The following PTGR1 variants were observed in gnomAD, a reference collection of about 807,000 sequenced individuals.
PTGR1 encodes prostaglandin reductase 1.
PTGR1 carries 23 observed loss-of-function variants against 37.7 expected under a neutral mutation model. The observed-to-expected ratio is 0.61, with a 90% CI of 0.44 to 0.86. The LOEUF is 0.86. Among genes scored for constraint, PTGR1 ranks in the 40% least tolerant of loss-of-function variants. PTGR1 has a pLI of 0.00. For synonymous variants in PTGR1, 134 were observed against 140.0 expected (o/e 0.96, Z 0.30); for missense variants, 351 against 394.3 (o/e 0.89, Z 0.93).
At chr9:111,580,524 G>A (rs982158016) in intron 6 of PTGR1, among the ~76,000 whole-genome samples, 1 of 152,216 alleles carries the variant, frequency 6.6e-6, no homozygotes, top group East Asian at 1.9e-4. Flanking sequence ...GGGGGGCTGA[G>A]GTGGGTGGAT....
At chr9:111,588,324 G>C (rs1448114704) in intron 4 of PTGR1, among the ~76,000 whole-genome samples, 2 of 149,996 alleles carry the variant, frequency 1.3e-5, no homozygotes, top group Non-Finnish European at 3.0e-5. Flanking sequence ...AGCCTCCCGA[G>C]TAGCTGGGAC....
At chr9:111,559,573 C>T (rs576617566), downstream of PTGR1, among the ~76,000 whole-genome samples, 25 of 151,858 alleles carry the variant, frequency 1.6e-4, no homozygotes, top group Non-Finnish European at 2.9e-4. Context: ...CTTCTTCCTG[C>T]TCACCAGTGT....
chr9:111,585,724 A>G (rs1450342292), intron 5 of PTGR1, among the ~76,000 whole-genome samples: 1 of 152,138 alleles, frequency 6.6e-6, no homozygotes, highest in Non-Finnish European at 1.5e-5. Flanking sequence ...CACTTAACAT[A>G]AAGTCCTCCA....
intron 4 of PTGR1, among the ~76,000 whole-genome samples, chr9:111,589,832 G>A (rs779174957): frequency 1.6e-4 from 24 of 151,830 alleles, no homozygotes; most frequent in Non-Finnish European, 3.2e-4. Flanking sequence ...ATGAGGTTTC[G>A]CCATGTTGTC....
At chr9:111,565,620 C>G (rs1280247162) in intron 9 of PTGR1, among the ~76,000 whole-genome samples, 1 of 152,056 alleles carries the variant, frequency 6.6e-6, no homozygotes, top group African/African-American at 2.4e-5. Flanking sequence ...AACTCTTGGA[C>G]TCAGGTGATC....
chr9:111,592,828 G>A (rs1829658256), intron 4 of PTGR1, 98 bp downstream of exon 4: 2 of 1,498,076 alleles, frequency 1.3e-6, no homozygotes, highest in African/African-American at 1.4e-5. Flanking sequence ...AACAACATAG[G>A]CTGAAGAAAT....
intron 9 of PTGR1, among the ~76,000 whole-genome samples, chr9:111,565,650 A>C (rs1344302688): frequency 6.6e-6 from 1 of 151,998 alleles, no homozygotes; most frequent in East Asian, 1.9e-4. Flanking sequence ...CAGCCTCCCG[A>C]GTAGCTGGGA....
chr9:111,594,549 CTTT>C (rs71373753), intron 2 of PTGR1, among the ~76,000 whole-genome samples: 4 of 127,194 alleles, frequency 3.1e-5, no homozygotes, highest in East Asian at 2.3e-4. Context: ...TTTTGGCATT[CTTT>C]TTTTTTTTTT....
chr9:111,585,861 T>C, intron 5 of PTGR1, 137 bp downstream of exon 5: 2 of 952,164 alleles, frequency 2.1e-6, no homozygotes, highest in Non-Finnish European at 3.1e-6. Flanking sequence ...GCCATCTTGG[T>C]CCTGCCCTCT....
chr9:111,563,230 C>T lies in PTGR1; in HGVS notation c.881G>A (p.Gly294Asp). 2 of 1,611,078 alleles carry T rather than the reference C, an allele frequency of 1.2e-6. No individual in the cohort carries two copies. Among genetic ancestry groups the T allele is most frequent in the Non-Finnish European group, 1.7e-6 (2 of 1,178,798 alleles). Residue 294 changes from glycine to aspartate, a missense_variant and splice_region_variant, in exon 10 of 10, where the codon GGT becomes GAT. Physicochemically the swap from Gly to Asp is moderately conservative, Grantham distance 94. Transcript: ENST00000407693. ...LKDLLKWVLE[G>D]KIQYKEYIIE... ...GATATATTCCTTGTACTGGATTTTACCCTGTATCAAAGCAACAACAAATTT... is the reference window on the plus strand; with the variant it reads ...GATATATTCCTTGTACTGGATTTTATCCTGTATCAAAGCAACAACAAATTT...
chr9:111,598,746 C>G (rs1829855666), intron 1 of PTGR1, among the ~76,000 whole-genome samples: 1 of 152,170 alleles, frequency 6.6e-6, no homozygotes, highest in African/African-American at 2.4e-5. Flanking sequence ...TCGCCCGCCT[C>G]GACCTTCCAT....
intron 9 of PTGR1, among the ~76,000 whole-genome samples, chr9:111,551,418 T>G (rs1827946329): frequency 7.0e-6 from 1 of 142,874 alleles, no homozygotes; most frequent in Non-Finnish European, 1.5e-5. Context: ...TTTTTTTTTT[T>G]TTTTTTTGAG....
At position 111,588,683 on chromosome 9, in the gene PTGR1, G is replaced by A. The variant is rs563567977; in HGVS notation, c.210-2518C>T. Among the ~76,000 whole-genome samples, 463 of 151,936 alleles carry A rather than the reference G, an allele frequency of 3.0e-3. 2 individuals are homozygous for A. Among genetic ancestry groups the A allele is most frequent in the Non-Finnish European group, 5.4e-3 (365 of 67,994 alleles). On this transcript the variant is annotated intron_variant, in intron 4 of 9. Transcript: ENST00000407693. ...TAGGATTACAGGCGCCCACCACCAC[G>A]CCTGGCTAATTTTTGTATTTTTAGT...
At chr9:111,565,263 A>T (rs796218751) in intron 9 of PTGR1, among the ~76,000 whole-genome samples, 16 of 152,342 alleles carry the variant, frequency 1.1e-4, no homozygotes, top group African/African-American at 3.6e-4. Context: ...GAAGCCATCT[A>T]CAAGTTGAAA....
In PTGR1 at chr9:111,594,129, T is replaced by C. The variant is rs1829705480; in HGVS notation, c.152+93A>G. ...GGGAGAAACAGAAGGAAAGTGACAA[T>C]GTTTTAAGTCAGTTGGATATTTTAG... On this transcript the variant is annotated intron_variant, in intron 3 of 9. Coordinates refer to ENST00000407693, the MANE Select transcript of PTGR1 (RefSeq NM_001146108.2). 7.1e-6 allele frequency: 9 copies of C among 1,261,604 alleles called. No individual in the cohort carries two copies. The Admixed American group carries it at 8.7e-5, about 12-fold the overall frequency. The allele number at this position is 1,261,604 out of a possible 1,614,324, so 78.2% of individuals were successfully genotyped here.
At position 111,592,986 on chromosome 9, in the gene PTGR1, C is replaced by CAAAAAAAAA. The variant is rs58142522; in HGVS notation, c.153-13_153-5dup. 4.1e-5 allele frequency: 39 copies of CAAAAAAAAA among 961,346 alleles called. No homozygotes were observed. Among genetic ancestry groups the CAAAAAAAAA allele is most frequent in the African/African-American group, 1.0e-4 (3 of 29,992 alleles). 59.6% of individuals were successfully genotyped at this position (961,346 alleles called of 1,614,324 possible). ...CTTCAATCTTTTGGCTGCCACTCTG[C>CAAAAAAAAA]AAAAAAAAAAAAAAAAAAAAAAAAA... On this transcript the variant is annotated splice_polypyrimidine_tract_variant and splice_region_variant and intron_variant, in intron 3 of 9. Coordinates refer to ENST00000407693, the MANE Select transcript of PTGR1 (RefSeq NM_001146108.2).
At chr9:111,572,063 G>C (rs1828842275) in intron 8 of PTGR1, among the ~76,000 whole-genome samples, 1 of 152,200 alleles carries the variant, frequency 6.6e-6, no homozygotes, top group Non-Finnish European at 1.5e-5. Flanking sequence ...GAAGATGCCT[G>C]GTGTGCTAAG....
chr9:111,562,914 C>T lies in PTGR1; in HGVS notation c.*207G>A. ...ACAACTCAGAAGAAGCTGTAGTGAA[C>T]AGTGAGGTGACTGGTTGTTGTTGAC... On this transcript the variant is annotated 3_prime_UTR_variant, in exon 10 of 10. Coordinates refer to ENST00000407693, the MANE Select transcript of PTGR1 (RefSeq NM_001146108.2). 7.4e-7 allele frequency: 1 copy of T among 1,351,204 alleles called. No homozygotes were observed. The highest frequency in any genetic ancestry group is 9.6e-7 in the Non-Finnish European group (1 of 1,044,198). 83.7% of individuals were successfully genotyped at this position (1,351,204 alleles called of 1,614,324 possible). A position where few individuals can be genotyped will look rare whatever the true frequency, so the allele number is the denominator to read the frequency against.
At chr9:111,550,655 A>G (rs532429032) in intron 9 of PTGR1, among the ~76,000 whole-genome samples, 1 of 152,024 alleles carries the variant, frequency 6.6e-6, no homozygotes, top group Admixed American at 6.5e-5. Context: ...TTCCTGGGCC[A>G]CTCTATCCAT....
Sources: allele counts gnomAD v4.1 joint callset (sites outside exome capture counted in the v4.1 genomes callset), GRCh38; gene constraint gnomAD v4.1.1; transcripts MANE v1.5; gene names NCBI Gene and HGNC (gene_info 2026-07-23, HGNC 2026-07-21).